The following CD2AP variants were observed in gnomAD, a reference collection of about 807,000 sequenced individuals.
CD2AP encodes CD2 associated protein, also known as CD2-associated protein.
In CD2AP, 46 loss-of-function variants were observed where a neutral mutation model predicts 85.1. The observed-to-expected ratio is 0.54, with a 90% CI of 0.43 to 0.69. The LOEUF is 0.69. Ranked by LOEUF, CD2AP falls within the 30% of genes least tolerant of loss-of-function variation. CD2AP has a pLI of 0.00. For synonymous variants in CD2AP, 255 were observed against 252.9 expected, an observed-to-expected ratio of 1.01 and a Z score of -0.08; for missense variants, 769 against 729.5, an observed-to-expected ratio of 1.05 and a Z score of -0.62.
chr6:47,508,472 C>A (rs751842788), intron 2 of CD2AP, among the ~76,000 whole-genome samples: 33 of 151,184 alleles, frequency 2.2e-4, no homozygotes, highest in Non-Finnish European at 3.8e-4. Context: ...CTAGATGAGG[C>A]TTTAGCTTAG....
At chr6:47,531,397 A>G (rs2114022243) in intron 2 of CD2AP, among the ~76,000 whole-genome samples, 1 of 152,088 alleles carries the variant, frequency 6.6e-6, no homozygotes, top group South Asian at 2.1e-4. Flanking sequence ...AATTATTACT[A>G]ATGAAATGTG....
At chr6:47,586,013 G>A (rs1042495517) in intron 11 of CD2AP, among the ~76,000 whole-genome samples, 1 of 152,160 alleles carries the variant, frequency 6.6e-6, no homozygotes, top group African/African-American at 2.4e-5. Flanking sequence ...GGCGTCCATT[G>A]TCTGATTAAA....
rs1235841268 is a variant in CD2AP, at chr6:47,606,181, T to A, written c.1434T>A (p.Asp478Glu). 1 of 1,582,930 alleles carries A rather than the reference T, an allele frequency of 6.3e-7. No homozygotes were observed. Among genetic ancestry groups the A allele is most frequent in the Non-Finnish European group, 8.7e-7 (1 of 1,151,898 alleles). Residue 478 changes from aspartate (D) to glutamate (E), a missense_variant, in exon 14 of 18, where the codon GAT (aspartate) becomes GAA (glutamate). Asp to Glu is a conservative substitution (Grantham distance 45). Coordinates refer to ENST00000359314, the MANE Select transcript of CD2AP (RefSeq NM_012120.3). The stretch of plus-strand genomic sequence containing the variant: ...ATTTTCTAGATGTTGTAAATTTTGA[T>A]GACATAGCTTCCTCAGAAAACTTGC... ...TSKETDVVNFDDIASSENLLH... is the reference protein window; with the variant it reads ...TSKETDVVNFEDIASSENLLH...
chr6:47,539,455 G>A (rs1767147471), intron 3 of CD2AP, among the ~76,000 whole-genome samples: 1 of 152,154 alleles, frequency 6.6e-6, no homozygotes, highest in South Asian at 2.1e-4. Flanking sequence ...TATTTTTGAG[G>A]AGTAAAAATC....
At chr6:47,519,868 G>C (rs1267175237) in intron 2 of CD2AP, among the ~76,000 whole-genome samples, 3 of 152,168 alleles carry the variant, frequency 2.0e-5, no homozygotes, top group African/African-American at 7.2e-5. Flanking sequence ...GAAGTTAGTA[G>C]TTTTCAAGGA....
At chr6:47,511,464 TAG>T (rs1359460285) in intron 2 of CD2AP, among the ~76,000 whole-genome samples, 1 of 152,164 alleles carries the variant, frequency 6.6e-6, no homozygotes, top group Non-Finnish European at 1.5e-5. Flanking sequence ...AAAAGGACAT[TAG>T]TGGAAAAATT....
intron 2 of CD2AP, among the ~76,000 whole-genome samples, chr6:47,521,482 G>A (rs1217966959): frequency 6.6e-6 from 1 of 152,102 alleles, no homozygotes; most frequent in Non-Finnish European, 1.5e-5. Context: ...AACCCGGGAG[G>A]TGGAGGTTGC....
intron 1 of CD2AP, among the ~76,000 whole-genome samples, chr6:47,497,608 G>C (rs1765899058): frequency 6.6e-6 from 1 of 151,944 alleles, no homozygotes; most frequent in African/African-American, 2.4e-5. Context: ...AGAGATGGGG[G>C]TTGCCATGTT....
intron 17 of CD2AP, among the ~76,000 whole-genome samples, chr6:47,614,595 GA>G (rs1356416551): frequency 6.6e-6 from 1 of 152,148 alleles, no homozygotes; most frequent in Non-Finnish European, 1.5e-5. Flanking sequence ...TAATTACAGT[GA>G]AAACATTTGA....
intron 2 of CD2AP, among the ~76,000 whole-genome samples, chr6:47,511,807 A>G (rs919946805): frequency 6.6e-6 from 1 of 152,166 alleles, no homozygotes; most frequent in Non-Finnish European, 1.5e-5. Flanking sequence ...TAAGCTTCCT[A>G]TTGGGACATT....
chr6:47,597,173 A>G (rs1462070606), intron 12 of CD2AP, among the ~76,000 whole-genome samples: 1 of 150,848 alleles, frequency 6.6e-6, no homozygotes, highest in African/African-American at 2.4e-5. Flanking sequence ...AAATCCAGTC[A>G]GGGTTGGAAC....
At chr6:47,514,801 C>T (rs978383923) in intron 2 of CD2AP, among the ~76,000 whole-genome samples, 3 of 152,186 alleles carry the variant, frequency 2.0e-5, no homozygotes, top group Non-Finnish European at 2.9e-5. Flanking sequence ...CCTGTAATCC[C>T]ACCCTTTTGG....
Position 47,527,941 on chromosome 6 carries a change from A to G in CD2AP, c.166-5661A>G, listed in dbSNP as rs138726979. ...TTTTTTGGTTCATACCTGTAAATAT[A>G]TATTTGTGTCATATTGTTGGCTAAG... On this transcript the variant is annotated intron_variant, in intron 2 of 17. Transcript: ENST00000359314. Among the ~76,000 whole-genome samples the G allele has an allele frequency of 5.0e-3, 768 of 152,240 alleles. 6 individuals carry two copies. The highest frequency in any genetic ancestry group is 0.027 in the Middle Eastern group (8 of 294).
At chr6:47,539,389 C>T (rs904578930) in intron 3 of CD2AP, among the ~76,000 whole-genome samples, 4 of 152,124 alleles carry the variant, frequency 2.6e-5, no homozygotes, top group African/African-American at 9.7e-5. Flanking sequence ...GGGAGAATAG[C>T]ATTCAAGGAA....
rs1215073076 is a variant in CD2AP at position 47,609,548 on chromosome 6, A to G, written c.1814+244A>G. On this transcript the variant is annotated intron_variant, in intron 16 of 17. Transcript: ENST00000359314. ...AAAAAAAAAGAAAAGAAAAGAAAAG[A>G]AAAAGCCAGGCTTGGTGACACATCC... The G allele has an allele frequency of 1.0e-5, 4 of 398,582 alleles. No individual in the cohort carries two copies. The East Asian group carries it at 1.9e-4, about 19-fold the overall frequency. The allele number at this position is 398,582 out of a possible 1,614,324, so 24.7% of individuals were successfully genotyped here. A position where few individuals can be genotyped will look rare whatever the true frequency, so the allele number is the denominator to read the frequency against.
chr6:47,610,954 T>TAC (rs1317364893), intron 16 of CD2AP, among the ~76,000 whole-genome samples: 7 of 111,068 alleles, frequency 6.3e-5, no homozygotes, highest in African/African-American at 2.2e-4. Flanking sequence ...CTGATTTATA[T>TAC]ATATATATAT....
chr6:47,578,024 T>C (rs960403549), intron 8 of CD2AP, among the ~76,000 whole-genome samples: 1 of 138,676 alleles, frequency 7.2e-6, no homozygotes, highest in Non-Finnish European at 1.7e-5. Flanking sequence ...ACATCTGTCA[T>C]CTCACATAGT....
intron 1 of CD2AP, among the ~76,000 whole-genome samples, chr6:47,484,444 C>A (rs960761117): frequency 1.3e-5 from 2 of 151,766 alleles, no homozygotes; most frequent in African/African-American, 4.8e-5. Flanking sequence ...TCACTGAACC[C>A]TATTTGATTT....
Position 47,579,377 on chromosome 6 carries a change from CT to C in CD2AP, c.904-3del, listed in dbSNP as rs937709961. The C allele has an allele frequency of 3.7e-6, 5 of 1,358,762 alleles. No individual in the cohort carries two copies. Among genetic ancestry groups the C allele is most frequent in the Admixed American group, 1.7e-5 (1 of 58,858 alleles). The allele number at this position is 1,358,762 out of a possible 1,614,324, so 84.2% of individuals were successfully genotyped here. On this transcript the variant is annotated splice_region_variant and splice_polypyrimidine_tract_variant and intron_variant, in intron 8 of 17. Coordinates refer to ENST00000359314, the MANE Select transcript of CD2AP (RefSeq NM_012120.3). ...CTATTGTCTTAATTATTCTATTTTG[CT>C]TTTTAGGAGACTGGAGAAGCTGGCT... is the stretch of plus-strand genomic sequence containing the variant.
Sources: allele counts gnomAD v4.1 joint callset (sites outside exome capture counted in the v4.1 genomes callset), GRCh38; gene constraint gnomAD v4.1.1; transcripts MANE v1.5; gene names NCBI Gene and HGNC (gene_info 2026-07-23, HGNC 2026-07-21).